EIPR1: variants seen among roughly 807,000 people sequenced by gnomAD.
EIPR1 encodes the protein EARP complex and GARP complex interacting protein 1.
Under a neutral mutation model 48.1 loss-of-function variants are expected in EIPR1, and 25 were observed. The observed-to-expected ratio is 0.52, with a 90% CI of 0.38 to 0.73. EIPR1 has a LOEUF of 0.73. EIPR1 is among the 30% of genes least tolerant of loss of function. The probability of loss-of-function intolerance (pLI) is 0.00; values close to 1 mark genes in which losing one functional copy is unlikely to be tolerated. For missense variants in EIPR1, 415 were observed against 506.2 expected (o/e 0.82, Z 1.73); for synonymous variants, 204 against 201.9 (o/e 1.01, Z -0.09).
At chr2:3,244,314 G>T (rs1408134509) in intron 4 of EIPR1, among the ~76,000 whole-genome samples, 1 of 152,054 alleles carries the variant, frequency 6.6e-6, no homozygotes, top group African/African-American at 2.4e-5. Flanking sequence ...ATTAAACATA[G>T]AAGAAAAGTC....
intron 4 of EIPR1, among the ~76,000 whole-genome samples, chr2:3,252,481 C>T (rs1207447627): frequency 6.6e-6 from 1 of 152,192 alleles, no homozygotes; most frequent in Non-Finnish European, 1.5e-5. Flanking sequence ...ATCCCAGCTA[C>T]TCAGGAGGCT....
chr2:3,311,422 G>C (rs1343376418), intron 3 of EIPR1, among the ~76,000 whole-genome samples: 4 of 152,054 alleles, frequency 2.6e-5, no homozygotes, highest in Admixed American at 6.6e-5. Context: ...ATGGGGGTGA[G>C]GGGGCAGCTA....
At chr2:3,261,353 A>G (rs1023851298) in intron 3 of EIPR1, among the ~76,000 whole-genome samples, 10 of 152,198 alleles carry the variant, frequency 6.6e-5, no homozygotes, top group Non-Finnish European at 1.2e-4. Context: ...GAATGAGCAG[A>G]AGGCTGAGGG....
At chr2:3,196,579 T>A (rs999956985) in intron 6 of EIPR1, among the ~76,000 whole-genome samples, 2 of 152,204 alleles carry the variant, frequency 1.3e-5, no homozygotes, top group Non-Finnish European at 2.9e-5. Context: ...GTGGTCCCCA[T>A]CTCGCTCAGT....
intron 3 of EIPR1, among the ~76,000 whole-genome samples, chr2:3,291,002 T>A (rs1668347430): frequency 6.6e-6 from 1 of 152,198 alleles, no homozygotes; most frequent in African/African-American, 2.4e-5. Flanking sequence ...CTCAGTTTTC[T>A]GATTAGGAAG....
intron 4 of EIPR1, among the ~76,000 whole-genome samples, chr2:3,256,836 C>A (rs1032344410): frequency 6.6e-6 from 1 of 152,248 alleles, no homozygotes; most frequent in Non-Finnish European, 1.5e-5. Flanking sequence ...GAATGACACA[C>A]CACATGCCGG....
rs551860564 is a variant in EIPR1, at chr2:3,286,200, G to A, written c.260-28745C>T. ...CTGATTCCCCACCCTCAGAACCCAT[G>A]AGCAGCACAAAAGGTTGTTTTTATG... On this transcript the variant is annotated intron_variant, in intron 3 of 8. Transcript: ENST00000382125. The surrounding 1 kb of genome is among the most constrained non-coding windows in gnomAD (Gnocchi z 4.2). 7.2e-5 allele frequency among the ~76,000 whole-genome samples: 11 copies of A among 152,194 alleles called. No homozygotes were observed. The highest frequency in any genetic ancestry group is 1.6e-4 in the Non-Finnish European group (11 of 68,026).
rs576641673 is a variant in EIPR1 at position 3,370,609 on chromosome 2, G to C, written c.42+7039C>G. 2.8e-4 allele frequency among the ~76,000 whole-genome samples: 43 copies of C among 150,994 alleles called. No homozygotes were observed. The South Asian group carries it at 8.2e-3, about 29-fold the overall frequency. On this transcript the variant is annotated intron_variant, in intron 1 of 8. Transcript: ENST00000382125. ...GAAGAATGCAGAAGCCTCAGGAGCC[G>C]ATGCGATCAACTGGAAGAAAGGGTA...
intron 1 of EIPR1, among the ~76,000 whole-genome samples, chr2:3,358,604 T>C (rs536402893): frequency 6.6e-6 from 1 of 152,384 alleles, no homozygotes; most frequent in African/African-American, 2.4e-5. Flanking sequence ...CATAAAGTTA[T>C]AGGCCTTCTG....
chr2:3,362,692 C>G (rs949849198), intron 1 of EIPR1, among the ~76,000 whole-genome samples: 2 of 151,878 alleles, frequency 1.3e-5, no homozygotes, highest in African/African-American at 4.8e-5. Flanking sequence ...AATATAAACT[C>G]CATCTACAGT....
chr2:3,234,725 C>T (rs1038229533), intron 4 of EIPR1, among the ~76,000 whole-genome samples: 1 of 152,268 alleles, frequency 6.6e-6, no homozygotes, highest in Admixed American at 6.5e-5. Context: ...CTGAGCCCCA[C>T]TCCGCGGAAG....
At chr2:3,367,985 C>T (rs936806702) in intron 1 of EIPR1, among the ~76,000 whole-genome samples, 1 of 152,168 alleles carries the variant, frequency 6.6e-6, no homozygotes, top group Non-Finnish European at 1.5e-5. Context: ...GCGGAGCTTG[C>T]AGTGAGTTGA....
chr2:3,282,572 G>T (rs1392092091), intron 3 of EIPR1: 1 of 152,248 alleles, frequency 6.6e-6, no homozygotes, highest in Non-Finnish European at 1.5e-5. Context: ...ACAGACGGCC[G>T]CACGGGCTGC....
intron 4 of EIPR1, among the ~76,000 whole-genome samples, chr2:3,229,902 T>C (rs1666186059): frequency 6.6e-6 from 1 of 152,268 alleles, no homozygotes; most frequent in African/African-American, 2.4e-5. Flanking sequence ...AGCATGACTT[T>C]CTGTGCTATA....
intron 3 of EIPR1, among the ~76,000 whole-genome samples, chr2:3,306,177 G>A (rs756737514): frequency 2.0e-5 from 3 of 152,214 alleles, no homozygotes; most frequent in African/African-American, 4.8e-5. Flanking sequence ...TCATGCTAGC[G>A]GTGGCCTGGG....
intron 3 of EIPR1, among the ~76,000 whole-genome samples, chr2:3,313,325 C>T (rs545218423): frequency 7.2e-5 from 11 of 152,186 alleles, no homozygotes; most frequent in South Asian, 6.2e-4. Flanking sequence ...GGAAGAAGAT[C>T]GAAGGCTGAG....
At chr2:3,332,069 C>G (rs866581573) in intron 3 of EIPR1, among the ~76,000 whole-genome samples, 1,796 of 137,238 alleles carry the variant, frequency 0.013, 23 homozygotes, top group African/African-American at 0.043. Flanking sequence ...GAGATGGTGT[C>G]AGCAGAGGCA....
At chr2:3,365,656 T>C (rs2103387554) in intron 1 of EIPR1, among the ~76,000 whole-genome samples, 1 of 150,498 alleles carries the variant, frequency 6.6e-6, no homozygotes, top group East Asian at 1.9e-4. Context: ...TTTGTGTCCC[T>C]GGGTACTTGA....
Position 3,194,156 on chromosome 2 carries a change from A to G in EIPR1, c.664T>C (p.Cys222Arg), listed in dbSNP as rs770151508. Reference protein sequence around the residue: ...WDTRSMSQIYCIENAHGQLVR... With the variant: ...WDTRSMSQIYRIENAHGQLVR... ...AGCTGTCCGTGGGCATTCTCTATGCAGTAGATCTGGCTGAGGGAGAAGGAA... is the reference window on the plus strand; with the variant it reads ...AGCTGTCCGTGGGCATTCTCTATGCGGTAGATCTGGCTGAGGGAGAAGGAA... The change falls in exon 7 of 9, where the codon TGC (cysteine) becomes CGC (arginine). Residue 222 changes from cysteine to arginine, a missense_variant. Physicochemically the swap from Cys to Arg is radical, Grantham distance 180. Coordinates refer to ENST00000382125, the MANE Select transcript of EIPR1 (RefSeq NM_003310.5). 1.9e-6 allele frequency: 3 copies of G among 1,613,752 alleles called. No individual in the cohort carries two copies. Among genetic ancestry groups the G allele is most frequent in the South Asian group, 1.1e-5 (1 of 91,084 alleles).
Sources: allele counts gnomAD v4.1 joint callset (sites outside exome capture counted in the v4.1 genomes callset), GRCh38; gene constraint gnomAD v4.1.1; non-coding constraint Gnocchi (gnomAD v3.1); transcripts MANE v1.5; gene names NCBI Gene and HGNC (gene_info 2026-07-23, HGNC 2026-07-21).